The following CLDN14 variants were observed in gnomAD, a reference collection of about 807,000 sequenced individuals.
CLDN14 encodes claudin-14.
Under a neutral mutation model 2.1 loss-of-function variants are expected in CLDN14, and 2 were observed. The observed-to-expected ratio is 0.96, with a 90% confidence interval of 0.39 to 3.01. The LOEUF is 3.01. Ranked by LOEUF, CLDN14 falls within the 30% of genes most tolerant of loss-of-function variation. The probability of loss-of-function intolerance (pLI) is 0.09; values close to 1 mark genes in which losing one functional copy is unlikely to be tolerated. For synonymous variants in CLDN14, 136 were observed against 154.4 expected (o/e 0.88, Z 0.88); for missense variants, 298 against 328.0 (o/e 0.91, Z 0.71).
intron 1 of CLDN14, among the ~76,000 whole-genome samples, chr21:36,545,828 T>G (rs2087522515): frequency 6.6e-6 from 1 of 152,162 alleles, no homozygotes; most frequent in Non-Finnish European, 1.5e-5. Flanking sequence ...TTCAGAGTCT[T>G]CAAGGCCAAG....
chr21:36,491,219 C>T (rs2086961193), intron 2 of CLDN14, among the ~76,000 whole-genome samples: 2 of 152,054 alleles, frequency 1.3e-5, no homozygotes, highest in Admixed American at 1.3e-4. Flanking sequence ...AACTAGGATC[C>T]CCAGATATCC....
chr21:36,567,090 C>T (rs566801623), intron 1 of CLDN14, among the ~76,000 whole-genome samples: 6 of 152,332 alleles, frequency 3.9e-5, no homozygotes, highest in Admixed American at 3.3e-4. Context: ...GCATCAAGTA[C>T]GTAATACCTC....
chr21:36,484,423 G>T (rs115290795), upstream of CLDN14, among the ~76,000 whole-genome samples: 233 of 152,258 alleles, frequency 1.5e-3, no homozygotes, highest in African/African-American at 5.2e-3. Flanking sequence ...CATGCTGGGA[G>T]GCTTGAGACA....
intron 1 of CLDN14, among the ~76,000 whole-genome samples, chr21:36,521,580 C>T (rs897992615): frequency 2.0e-5 from 3 of 152,158 alleles, no homozygotes; most frequent in Non-Finnish European, 4.4e-5. Context: ...CTGTAGAGGG[C>T]TTGGGATTGT....
intron 2 of CLDN14, among the ~76,000 whole-genome samples, chr21:36,492,065 A>G (rs999256159): frequency 1.6e-4 from 24 of 151,944 alleles, no homozygotes; most frequent in Admixed American, 1.2e-3. Flanking sequence ...GCACTTTGGG[A>G]GCTTGAGGTG....
At chr21:36,490,745 G>A (rs922174579) in intron 2 of CLDN14, among the ~76,000 whole-genome samples, 4 of 152,008 alleles carry the variant, frequency 2.6e-5, no homozygotes, top group Non-Finnish European at 5.9e-5. Context: ...ATGCTGCGGA[G>A]GCTGGTCTCG....
intron 1 of CLDN14, among the ~76,000 whole-genome samples, chr21:36,553,794 G>A (rs1027802035): frequency 1.3e-5 from 2 of 152,124 alleles, no homozygotes; most frequent in Non-Finnish European, 2.9e-5. Context: ...GGACAACTGT[G>A]TGTGAGATGA....
chr21:36,547,917 A>C (rs2087536556), intron 1 of CLDN14, among the ~76,000 whole-genome samples: 1 of 152,216 alleles, frequency 6.6e-6, no homozygotes, highest in Non-Finnish European at 1.5e-5. Flanking sequence ...TCTTTTGAAA[A>C]GAAAGGCCCA....
In CLDN14 at chr21:36,539,579, G is replaced by C. The variant is rs373573770; in HGVS notation, c.-219-29079C>G. Among the ~76,000 whole-genome samples, 40 of 149,974 alleles carry C rather than the reference G, an allele frequency of 2.7e-4. No individual in the cohort carries two copies. In the East Asian group the frequency reaches 3.8e-3, roughly 14 times the overall value. On this transcript the variant is annotated intron_variant, in intron 1 of 2. Transcript: ENST00000342108. ...TGTGTGGAGTGAGTGTGTGCAGTTT[G>C]TGTGGAGTGAGTGTGTGTGTGGAGT...
At chr21:36,545,444 C>T (rs1044630293) in intron 1 of CLDN14, among the ~76,000 whole-genome samples, 1 of 152,066 alleles carries the variant, frequency 6.6e-6, no homozygotes, top group Non-Finnish European at 1.5e-5. Context: ...AGTCCCTTAG[C>T]CCTCCAGAAG....
intron 1 of CLDN14, among the ~76,000 whole-genome samples, chr21:36,475,173 G>T (rs1780628834): frequency 6.6e-6 from 1 of 152,164 alleles, no homozygotes; most frequent in African/African-American, 2.4e-5. Context: ...GCACTGCGAG[G>T]GTCCCAAGTG....
chr21:36,529,550 A>T (rs183366161), intron 1 of CLDN14, among the ~76,000 whole-genome samples: 3 of 152,142 alleles, frequency 2.0e-5, no homozygotes, highest in African/African-American at 7.2e-5. Flanking sequence ...TGCTGGGATT[A>T]CAGGTGTGAG....
chr21:36,489,131 A>AAAAAAAAAAAAAATAT, intron 2 of CLDN14, among the ~76,000 whole-genome samples: 2 of 62,736 alleles, frequency 3.2e-5, no homozygotes. Flanking sequence ...AAAAAAAAAA[A>AAAAAAAAAAAAAATAT]ATATATATAT....
chr21:36,563,961 C>T (rs1478447254), intron 1 of CLDN14, among the ~76,000 whole-genome samples: 1 of 152,198 alleles, frequency 6.6e-6, no homozygotes, highest in Non-Finnish European at 1.5e-5. Flanking sequence ...CTTAAGGAAA[C>T]GTGCCCCTTC....
intron 1 of CLDN14, among the ~76,000 whole-genome samples, chr21:36,540,716 A>G (rs2087482321): frequency 6.6e-6 from 1 of 152,166 alleles, no homozygotes; most frequent in African/African-American, 2.4e-5. Flanking sequence ...AGAGTGGTGA[A>G]TTCAGGGTGT....
At chr21:36,514,628 T>G (rs866780375) in intron 1 of CLDN14, among the ~76,000 whole-genome samples, 1 of 117,350 alleles carries the variant, frequency 8.5e-6, no homozygotes, top group South Asian at 2.8e-4. Flanking sequence ...AGAAAGTGTG[T>G]GTGTGTGTGT....
intron 1 of CLDN14, among the ~76,000 whole-genome samples, chr21:36,540,361 T>A (rs1183677197): frequency 1.3e-5 from 2 of 152,160 alleles, no homozygotes; most frequent in African/African-American, 4.8e-5. Flanking sequence ...TTTGTATTGT[T>A]TTTTATTGTT....
chr21:36,525,588 C>T (rs1157561261), intron 1 of CLDN14, among the ~76,000 whole-genome samples: 1 of 152,088 alleles, frequency 6.6e-6, no homozygotes, highest in Non-Finnish European at 1.5e-5. Context: ...GACAAAGGAA[C>T]TTTTGGAAAC....
At chr21:36,511,595 C>T (rs1255931941) in intron 1 of CLDN14, among the ~76,000 whole-genome samples, 3 of 152,136 alleles carry the variant, frequency 2.0e-5, no homozygotes, top group Non-Finnish European at 2.9e-5. Flanking sequence ...GTCTGGCCCA[C>T]ACTTCGAGAG....
Sources: allele counts gnomAD v4.1 joint callset (sites outside exome capture counted in the v4.1 genomes callset), GRCh38; gene constraint gnomAD v4.1.1; transcripts MANE v1.5; gene names NCBI Gene and HGNC (gene_info 2026-07-23, HGNC 2026-07-21).